Variants in SMIM23 observed in about 807,000 individuals in gnomAD.
SMIM23 encodes the protein CTB-78H18.1.
In SMIM23, 10 loss-of-function variants were observed where a neutral mutation model predicts 12.8. The ratio of observed to expected loss-of-function variants is 0.78; its 90% CI spans 0.48 to 1.32. The LOEUF is 1.32. SMIM23 is among the 40% of genes most tolerant of loss of function. The pLI is 0.00. For synonymous variants in SMIM23, 78 were observed against 80.1 expected (o/e 0.97, Z 0.14); for missense variants, 184 against 198.2 (o/e 0.93, Z 0.43).
upstream of SMIM23, among the ~76,000 whole-genome samples, chr5:171,780,668 C>T (rs1232516045): frequency 1.3e-5 from 2 of 152,050 alleles, no homozygotes; most frequent in African/African-American, 2.4e-5. Flanking sequence ...TCAAATGTGT[C>T]CACCAGATAA....
At chr5:171,788,240 T>C (rs2113651919) in intron 1 of SMIM23, among the ~76,000 whole-genome samples, 1 of 151,552 alleles carries the variant, frequency 6.6e-6, no homozygotes, top group East Asian at 1.9e-4. Flanking sequence ...TGGTCAAAAT[T>C]TCCACATTAG....
In SMIM23 at chr5:171,785,826, T is replaced by A; in HGVS notation, c.-46T>A. On this transcript the variant is annotated 5_prime_UTR_variant, in exon 1 of 4. Transcript: ENST00000523047. ...CAGGTGGGGGAGGGGAAGGGTGCCC[T>A]TCTGTCTGTTGAGTGTGGTCCACCC... The A allele has an allele frequency of 6.8e-7, 1 of 1,469,572 alleles. No homozygotes were observed. The highest frequency in any genetic ancestry group is 9.2e-7 in the Non-Finnish European group (1 of 1,086,238). The allele number at this position is 1,469,572 out of a possible 1,614,324, so 91.0% of individuals were successfully genotyped here.
At chr5:171,786,284 G>A (rs1015483087) in intron 1 of SMIM23, among the ~76,000 whole-genome samples, 44 of 152,158 alleles carry the variant, frequency 2.9e-4, no homozygotes, top group Non-Finnish European at 5.9e-4. Context: ...CTGAATGAAC[G>A]AATGAACTGA....
rs202159150 is a variant in SMIM23 at position 171,787,004 on chromosome 5, CTTTTTTTTTT to C, written c.105+1051_105+1060del. On this transcript the variant is annotated intron_variant, in intron 1 of 3. Coordinates refer to ENST00000523047, the MANE Select transcript of SMIM23 (RefSeq NM_001289970.2). ...GATTCTACCAGAGTCCCATTGTTTC[CTTTTTTTTTT>C]TTTTTTTTTTTTTTTTTTTTTTCTG... Among the ~76,000 whole-genome samples, 227 of 71,260 alleles carry C rather than the reference CTTTTTTTTTT, an allele frequency of 3.2e-3. 3 individuals carry two copies. The highest frequency in any genetic ancestry group is 7.2e-3 in the African/African-American group (147 of 20,330). The allele number at this position is 71,260 out of a possible 152,430, so 46.7% of individuals were successfully genotyped here.
chr5:171,790,407 A>C, intron 2 of SMIM23, 75 bp from the exon 3 acceptor site: 1 of 1,516,504 alleles, frequency 6.6e-7, no homozygotes, highest in African/African-American at 1.4e-5. Flanking sequence ...CCTTCATCAC[A>C]CTGGGATAAC....
At chr5:171,787,890 C>T (rs571803582) in intron 1 of SMIM23, among the ~76,000 whole-genome samples, 83 of 152,046 alleles carry the variant, frequency 5.5e-4, no homozygotes, top group African/African-American at 2.0e-3. Flanking sequence ...ACTTCTTTCT[C>T]TTATCATTGT....
At chr5:171,776,073 G>A in the SMIM23 span, among the ~76,000 whole-genome samples, 1 of 152,190 alleles carries the variant, frequency 6.6e-6, no homozygotes, top group Non-Finnish European at 1.5e-5. Context: ...GTTTCGCCAT[G>A]TTGGCCAGGC....
upstream of SMIM23, among the ~76,000 whole-genome samples, chr5:171,779,669 T>C (rs2113642440): frequency 6.6e-6 from 1 of 152,332 alleles, no homozygotes; most frequent in Non-Finnish European, 1.5e-5. Flanking sequence ...GGATAGACTT[T>C]TCATATAAAC....
At chr5:171,772,756 CT>C in the SMIM23 span, among the ~76,000 whole-genome samples, 5,094 of 152,236 alleles carry the variant, frequency 0.033, 228 homozygotes, top group African/African-American at 0.097. Flanking sequence ...AGGTATGTGC[CT>C]TTCCCACCCT....
intron 1 of SMIM23, among the ~76,000 whole-genome samples, chr5:171,786,353 C>G (rs194230): frequency 0.15 from 23,368 of 152,174 alleles, 5,593 homozygotes; most frequent in African/African-American, 0.51. Flanking sequence ...AAATTCAAAA[C>G]TCATGTGGGA....
intron 3 of SMIM23, 102 bp downstream of exon 3, chr5:171,790,651 C>A: frequency 7.2e-7 from 1 of 1,384,906 alleles, no homozygotes; most frequent in South Asian, 1.3e-5. Context: ...AGTCGCTTGT[C>A]AAGTGCAGAA....
At chr5:171,784,632 A>G (rs1755782326), upstream of SMIM23, among the ~76,000 whole-genome samples, 1 of 152,246 alleles carries the variant, frequency 6.6e-6, no homozygotes, top group Non-Finnish European at 1.5e-5. Flanking sequence ...ACAATTTCTT[A>G]TAAAACTATC....
the SMIM23 span, among the ~76,000 whole-genome samples, chr5:171,773,129 G>A: frequency 2.0e-5 from 3 of 152,194 alleles, no homozygotes; most frequent in Non-Finnish European, 2.9e-5. Context: ...ACAGACCTGG[G>A]TTCGAATCCT....
Position 171,789,658 on chromosome 5 carries a change from T to C in SMIM23, c.106-572T>C, listed in dbSNP as rs137902089. Among the ~76,000 whole-genome samples the C allele has an allele frequency of 2.0e-5, 3 of 152,334 alleles. No individual in the cohort carries two copies. The East Asian group carries it at 5.8e-4, about 29-fold the overall frequency. ...AAATAGAGGCATTTCGAAAACATTG[T>C]CTTAAGCAAAAGAAACTAAATGCAA... is the stretch of plus-strand genomic sequence containing the variant. On this transcript the variant is annotated intron_variant, in intron 1 of 3. Transcript: ENST00000523047.
At chr5:171,786,121 G>C in intron 1 of SMIM23, 145 bp downstream of exon 1, 1 of 641,486 alleles carries the variant, frequency 1.6e-6, no homozygotes, top group Non-Finnish European at 2.7e-6. Context: ...CAGTTTAGGG[G>C]CCTAGGCACT....
upstream of SMIM23, among the ~76,000 whole-genome samples, chr5:171,784,278 A>G (rs1384957072): frequency 6.6e-6 from 1 of 152,050 alleles, no homozygotes; most frequent in Non-Finnish European, 1.5e-5. Flanking sequence ...GGCCGAGGCA[A>G]GCGGATCACA....
upstream of SMIM23, among the ~76,000 whole-genome samples, chr5:171,779,632 C>A (rs886803944): frequency 6.6e-6 from 1 of 152,156 alleles, no homozygotes; most frequent in Non-Finnish European, 1.5e-5. Flanking sequence ...ACAGGCTTGC[C>A]AATTATGTCA....
At chr5:171,787,626 A>T (rs1755842313) in intron 1 of SMIM23, among the ~76,000 whole-genome samples, 1 of 152,370 alleles carries the variant, frequency 6.6e-6, no homozygotes. Flanking sequence ...CCATGAAAAG[A>T]TTCCTAAAGA....
Position 171,790,968 on chromosome 5 carries a change from C to T in SMIM23, c.399C>T (p.His133=). 1 of 1,536,044 alleles carries T rather than the reference C, an allele frequency of 6.5e-7. No individual in the cohort carries two copies. Among genetic ancestry groups the T allele is most frequent in the Non-Finnish European group, 8.7e-7 (1 of 1,146,908 alleles). ...TGGATGCTCTTCTGGGAGAGCCACA[C>T]CAGGAGGAGCACTGCTCCACATATA... ...LWLDALLGEP[H]QEEHCSTYKS... Residue 133 remains histidine, a synonymous_variant, in exon 4 of 4, where the codon CAC becomes CAT. Coordinates refer to ENST00000523047, the MANE Select transcript of SMIM23 (RefSeq NM_001289970.2).
Sources: allele counts gnomAD v4.1 joint callset (sites outside exome capture counted in the v4.1 genomes callset), GRCh38; gene constraint gnomAD v4.1.1; transcripts MANE v1.5; gene names NCBI Gene and HGNC (gene_info 2026-07-23, HGNC 2026-07-21).